The following RALGAPA2 variants were observed in gnomAD, a reference collection of about 807,000 sequenced individuals.
RALGAPA2 encodes ral GTPase-activating protein subunit alpha-2.
RALGAPA2 carries 139 observed loss-of-function variants against 230.4 expected under a neutral mutation model. The ratio of observed to expected loss-of-function variants is 0.60; its 90% CI spans 0.53 to 0.69. The LOEUF is 0.69. RALGAPA2 is among the 30% of genes least tolerant of loss of function. RALGAPA2 has a pLI of 0.00. For missense variants in RALGAPA2, 2,163 were observed against 2,276.0 expected (o/e 0.95, Z 1.01); for synonymous variants, 847 against 837.8 (o/e 1.01, Z -0.19).
intron 24 of RALGAPA2, 68 bp from the exon 25 acceptor site, chr20:20,536,852 T>C (rs562647048): frequency 5.2e-5 from 78 of 1,495,354 alleles, no homozygotes; most frequent in Non-Finnish European, 6.2e-5. Flanking sequence ...ATAAGTGACA[T>C]GTTTTACTCT....
intron 3 of RALGAPA2, among the ~76,000 whole-genome samples, chr20:20,675,243 T>C (rs2068277646): frequency 6.6e-6 from 1 of 152,118 alleles, no homozygotes; most frequent in South Asian, 2.1e-4. Context: ...GAAAGGAGTA[T>C]AGCTCTCAAA....
intron 3 of RALGAPA2, chr20:20,659,781 G>A: frequency 1.1e-6 from 1 of 908,676 alleles, no homozygotes; most frequent in South Asian, 1.3e-5. Flanking sequence ...ACAGCACACA[G>A]AAAGATGGAG....
chr20:20,667,416 T>C (rs2067990686), intron 3 of RALGAPA2, among the ~76,000 whole-genome samples: 2 of 152,166 alleles, frequency 1.3e-5, no homozygotes, highest in Admixed American at 1.3e-4. Context: ...ACACCCAGAC[T>C]GTGCACATGC....
At chr20:20,421,083 A>G (rs1445526216) in intron 37 of RALGAPA2, among the ~76,000 whole-genome samples, 2 of 152,228 alleles carry the variant, frequency 1.3e-5, no homozygotes, top group African/African-American at 4.8e-5. Context: ...TATCTCAAAT[A>G]TATAAAGAAC....
chr20:20,691,670 T>C (rs1419284938), intron 1 of RALGAPA2, among the ~76,000 whole-genome samples: 2 of 152,156 alleles, frequency 1.3e-5, no homozygotes, highest in Non-Finnish European at 2.9e-5. Flanking sequence ...CCAGGGCCAA[T>C]AGCAGATACC....
intron 39 of RALGAPA2, among the ~76,000 whole-genome samples, chr20:20,395,367 A>G (rs1243128387): frequency 6.6e-6 from 1 of 152,204 alleles, no homozygotes; most frequent in Non-Finnish European, 1.5e-5. Flanking sequence ...CCTTCCTGAT[A>G]TGACACGTCC....
intron 24 of RALGAPA2, 95 bp from the exon 25 acceptor site, chr20:20,536,879 A>T: frequency 7.3e-7 from 1 of 1,370,180 alleles, no homozygotes; most frequent in Non-Finnish European, 9.7e-7. Context: ...TAGATAAAAA[A>T]TACCAAACTT....
Position 20,511,333 on chromosome 20 carries a change from G to GA in RALGAPA2, c.4857-9dup. 6.5e-7 allele frequency: 1 copy of GA among 1,538,294 alleles called. No homozygotes were observed. The highest frequency in any genetic ancestry group is 8.7e-7 in the Non-Finnish European group (1 of 1,144,592). On this transcript the variant is annotated splice_polypyrimidine_tract_variant and intron_variant, in intron 32 of 39. Transcript: ENST00000202677. The stretch of plus-strand genomic sequence containing the variant: ...AATAGATGAAAATTCTTCCTATAAA[G>GA]AAAAAAGGATGGAAGAAAAACCATG...
chr20:20,558,290 G>C (rs575006724), intron 23 of RALGAPA2, among the ~76,000 whole-genome samples: 1 of 152,322 alleles, frequency 6.6e-6, no homozygotes, highest in African/African-American at 2.4e-5. Flanking sequence ...ACAGGGAAAA[G>C]GCACCGCGCC....
intron 9 of RALGAPA2, among the ~76,000 whole-genome samples, chr20:20,635,193 C>T (rs925117403): frequency 3.3e-5 from 5 of 152,098 alleles, no homozygotes; most frequent in African/African-American, 1.2e-4. Context: ...AAATGGCTCC[C>T]GAGATTGCAT....
Position 20,712,300 on chromosome 20 carries a change from C to G in RALGAPA2, c.106+75G>C. The G allele has an allele frequency of 1.4e-6, 2 of 1,446,786 alleles. No individual in the cohort carries two copies. Among genetic ancestry groups the G allele is most frequent in the Non-Finnish European group, 1.9e-6 (2 of 1,068,378 alleles). 89.6% of individuals were successfully genotyped at this position (1,446,786 alleles called of 1,614,324 possible). On this transcript the variant is annotated intron_variant, in intron 1 of 39. Coordinates refer to ENST00000202677, the MANE Select transcript of RALGAPA2 (RefSeq NM_020343.4). The surrounding 1 kb of genome is among the most constrained non-coding windows in gnomAD (Gnocchi z 5.5). Reference sequence around the variant, plus strand: ...TCCCCAGCCTCCCAGCCACCGACCCCTGCACAGAGGAGCGCCCTCCCGGCA... The same window carrying G: ...TCCCCAGCCTCCCAGCCACCGACCCGTGCACAGAGGAGCGCCCTCCCGGCA...
In RALGAPA2 at chr20:20,712,113, A is replaced by T. The variant is rs565471371; in HGVS notation, c.106+262T>A. Among the ~76,000 whole-genome samples, 1 of 152,274 alleles carries T rather than the reference A, an allele frequency of 6.6e-6. No individual in the cohort carries two copies. Among genetic ancestry groups the T allele is most frequent in the East Asian group, 1.9e-4 (1 of 5,154 alleles). On this transcript the variant is annotated intron_variant, in intron 1 of 39. Transcript: ENST00000202677. The surrounding 1 kb of genome is among the most constrained non-coding windows in gnomAD (Gnocchi z 5.5). Reference sequence around the variant, plus strand: ...ACAGGTACCTCTGTGCCCGGCCTCCAGGTTCTCCGGGAGCGCAGGCGCCCA... The same window carrying T: ...ACAGGTACCTCTGTGCCCGGCCTCCTGGTTCTCCGGGAGCGCAGGCGCCCA...
intron 33 of RALGAPA2, among the ~76,000 whole-genome samples, chr20:20,510,204 G>T (rs1346994072): frequency 6.6e-6 from 1 of 152,100 alleles, no homozygotes; most frequent in Non-Finnish European, 1.5e-5. Flanking sequence ...GATGAGAAAC[G>T]TGACAGTGGA....
chr20:20,456,892 G>A lies in RALGAPA2; in HGVS notation c.5495+15937C>T, dbSNP rs2061134984. Among the ~76,000 whole-genome samples, 3 of 151,632 alleles carry A rather than the reference G, an allele frequency of 2.0e-5. No individual in the cohort carries two copies. In the South Asian group the frequency reaches 6.3e-4, roughly 32 times the overall value. ...GGCTATTCACCGGCACAATCATATT[G>A]CACTACAGCCTAAACTCCTGGACTC... On this transcript the variant is annotated intron_variant, in intron 37 of 39. Transcript: ENST00000202677.
At chr20:20,586,854 A>C (rs1248481838) in intron 18 of RALGAPA2, among the ~76,000 whole-genome samples, 1 of 152,250 alleles carries the variant, frequency 6.6e-6, no homozygotes, top group African/African-American at 2.4e-5. Context: ...ACAGAATGGG[A>C]AAGTCTAATA....
At chr20:20,661,893 C>T (rs2067794174) in intron 3 of RALGAPA2, among the ~76,000 whole-genome samples, 1 of 151,992 alleles carries the variant, frequency 6.6e-6, no homozygotes, top group African/African-American at 2.4e-5. Context: ...ATGTAATTTA[C>T]GATATACCTA....
intron 37 of RALGAPA2, among the ~76,000 whole-genome samples, chr20:20,428,037 A>C (rs2060422576): frequency 6.6e-6 from 1 of 152,226 alleles, no homozygotes; most frequent in African/African-American, 2.4e-5. Context: ...ATAATAACAC[A>C]TGCTTTAAAA....
intron 3 of RALGAPA2, among the ~76,000 whole-genome samples, chr20:20,671,270 G>A (rs1231107796): frequency 6.6e-6 from 1 of 152,176 alleles, no homozygotes; most frequent in Non-Finnish European, 1.5e-5. Context: ...GCAGACAGCA[G>A]CTCTCTTTAC....
At chr20:20,543,074 A>C (rs942478067) in intron 24 of RALGAPA2, among the ~76,000 whole-genome samples, 2 of 152,054 alleles carry the variant, frequency 1.3e-5, no homozygotes, top group South Asian at 2.1e-4. Flanking sequence ...AGACGGAGTC[A>C]TGCTCTGTCA....
Sources: gnomAD v4.1 joint callset for allele counts (sites outside exome capture counted in the v4.1 genomes callset) on GRCh38, gnomAD v4.1.1 for gene constraint, Gnocchi (gnomAD v3.1) non-coding constraint, MANE v1.5 for transcripts, NCBI Gene and HGNC (gene_info 2026-07-23, HGNC 2026-07-21) for gene names.